Variants in ADARB2 observed in about 807,000 individuals in gnomAD.
ADARB2 encodes adenosine deaminase RNA specific B2 (inactive), also known as inactive double-stranded RNA-specific editase B2.
Under a neutral mutation model 62.2 loss-of-function variants are expected in ADARB2, and 25 were observed. That is an observed-to-expected ratio of 0.40 (90% CI 0.29 to 0.56). The LOEUF is 0.56. Ranked by LOEUF, ADARB2 falls within the 20% of genes least tolerant of loss-of-function variation. ADARB2 has a pLI of 0.43. For synonymous variants in ADARB2, 572 were observed against 500.8 expected (o/e 1.14, Z -1.90); for missense variants, 1,071 against 1,077.4 (o/e 0.99, Z 0.08).
chr10:1,669,557 C>G (rs546477881), intron 1 of ADARB2, among the ~76,000 whole-genome samples: 1 of 151,066 alleles, frequency 6.6e-6, no homozygotes, highest in African/African-American at 2.4e-5. Flanking sequence ...CTCAGAGAGA[C>G]ACACACAGAC....
intron 1 of ADARB2, among the ~76,000 whole-genome samples, chr10:1,723,408 C>T (rs544235371): frequency 6.6e-6 from 1 of 152,306 alleles, no homozygotes; most frequent in South Asian, 2.1e-4. Flanking sequence ...CCGGTGGGGC[C>T]GGAGGGACCA....
intron 1 of ADARB2, among the ~76,000 whole-genome samples, chr10:1,665,166 G>T (rs182591136): frequency 2.0e-4 from 31 of 152,334 alleles, no homozygotes; most frequent in African/African-American, 7.2e-4. Flanking sequence ...TTAGGTCACT[G>T]CTAACTTCCA....
At chr10:1,616,142 T>C (rs1158836317) in intron 1 of ADARB2, among the ~76,000 whole-genome samples, 1 of 152,230 alleles carries the variant, frequency 6.6e-6, no homozygotes. Context: ...TGACTAATTA[T>C]ACTTTTTCTC....
chr10:1,229,256 A>T (rs554754901), intron 6 of ADARB2, among the ~76,000 whole-genome samples: 1 of 152,296 alleles, frequency 6.6e-6, no homozygotes, highest in Admixed American at 6.5e-5. Flanking sequence ...GCATCCCAGG[A>T]AAGTGGGGCT....
intron 6 of ADARB2, among the ~76,000 whole-genome samples, chr10:1,233,127 C>T (rs536406440): frequency 8.9e-4 from 135 of 152,232 alleles, no homozygotes; most frequent in Admixed American, 1.5e-3. Context: ...CCCTGGCAAT[C>T]GCAGCATCAC....
chr10:1,269,041 T>C (rs1287453043), intron 4 of ADARB2, among the ~76,000 whole-genome samples: 1 of 152,234 alleles, frequency 6.6e-6, no homozygotes, highest in African/African-American at 2.4e-5. Flanking sequence ...TACTGACTTA[T>C]GCCTCTGGGG....
chr10:1,200,320 G>C (rs1836969038), intron 7 of ADARB2, 173 bp from the exon 8 acceptor site: 1 of 801,276 alleles, frequency 1.2e-6, no homozygotes, highest in Admixed American at 2.0e-5. Flanking sequence ...GGGGCTCTGG[G>C]GACACTGTTG....
At chr10:1,270,843 TTG>T in intron 4 of ADARB2, 110 bp downstream of exon 4, 1 of 908,622 alleles carries the variant, frequency 1.1e-6, no homozygotes, top group African/African-American at 1.7e-5. Flanking sequence ...TTGTCTTTCT[TTG>T]TCACAGCCTG....
chr10:1,271,857 C>T (rs1428696260), intron 3 of ADARB2, among the ~76,000 whole-genome samples: 1 of 152,224 alleles, frequency 6.6e-6, no homozygotes. Flanking sequence ...CTGGCATAGC[C>T]GTTGCAGGCC....
At chr10:1,647,717 T>G (rs1448694203) in intron 1 of ADARB2, among the ~76,000 whole-genome samples, 1 of 151,994 alleles carries the variant, frequency 6.6e-6, no homozygotes, top group Non-Finnish European at 1.5e-5. Flanking sequence ...TGTATATGCA[T>G]GTATGTGCAT....
intron 1 of ADARB2, among the ~76,000 whole-genome samples, chr10:1,716,213 G>C (rs999084436): frequency 4.6e-5 from 7 of 152,210 alleles, no homozygotes; most frequent in African/African-American, 1.7e-4. Flanking sequence ...CACCTGCTGA[G>C]CTCCAAAAAC....
chr10:1,435,993 T>C (rs1165193565), intron 1 of ADARB2, among the ~76,000 whole-genome samples: 1 of 152,224 alleles, frequency 6.6e-6, no homozygotes, highest in African/African-American at 2.4e-5. Context: ...AAACAAACGT[T>C]AGCTGAGTTG....
chr10:1,271,148 C>T, intron 3 of ADARB2, 79 bp from the exon 4 acceptor site: 1 of 1,150,740 alleles, frequency 8.7e-7, no homozygotes, highest in Non-Finnish European at 1.3e-6. Flanking sequence ...CCTCCCCGTC[C>T]TCACAGCCTC....
At chr10:1,601,211 A>G (rs1833408179) in intron 1 of ADARB2, among the ~76,000 whole-genome samples, 1 of 152,208 alleles carries the variant, frequency 6.6e-6, no homozygotes, top group Admixed American at 6.5e-5. Context: ...TCAGAGACTC[A>G]GTGGGAGCTT....
intron 1 of ADARB2, among the ~76,000 whole-genome samples, chr10:1,557,701 C>G (rs199915792): frequency 1.3e-5 from 2 of 152,218 alleles, no homozygotes; most frequent in East Asian, 1.9e-4. Flanking sequence ...GCCAGGTGTT[C>G]GAGACCAGCC....
chr10:1,364,000 C>CTCAG lies in ADARB2; in HGVS notation c.188-84_188-83insCTGA. The CTCAG allele has an allele frequency of 2.9e-6, 4 of 1,387,782 alleles. No homozygotes were observed. In the South Asian group the frequency reaches 6.5e-5, roughly 22 times the overall value. 86.0% of individuals were successfully genotyped at this position (1,387,782 alleles called of 1,614,324 possible). A position where few individuals can be genotyped will look rare whatever the true frequency, so the allele number is the denominator to read the frequency against. On this transcript the variant is annotated intron_variant, in intron 2 of 9. Coordinates refer to ENST00000381312, the MANE Select transcript of ADARB2 (RefSeq NM_018702.4). The stretch of plus-strand genomic sequence containing the variant: ...ACAGCAGGCACTCCCTGAGGGTCCC[C>CTCAG]GTCCCAGCGACCTCGCCGCCCGCGC...
Position 1,538,575 on chromosome 10 carries a change from G to A in ADARB2, c.101-159415C>T, listed in dbSNP as rs553969973. 5.9e-5 allele frequency among the ~76,000 whole-genome samples: 9 copies of A among 152,354 alleles called. 1 individual carries two copies. In the South Asian group the frequency reaches 1.7e-3, roughly 28 times the overall value. ...CACACCTGACCCAGACCTGCGGGAA[G>A]AGTGAGAGGCATGGAGGCCACAGGG... On this transcript the variant is annotated intron_variant, in intron 1 of 9. Coordinates refer to ENST00000381312, the MANE Select transcript of ADARB2 (RefSeq NM_018702.4).
chr10:1,293,159 GTA>G (rs1439174015), intron 3 of ADARB2, among the ~76,000 whole-genome samples: 6 of 73,158 alleles, frequency 8.2e-5, no homozygotes, highest in African/African-American at 2.4e-4. Context: ...GAGAGGGAGG[GTA>G]AGAAGGGGGG....
chr10:1,281,594 G>A (rs1831371739), intron 3 of ADARB2, among the ~76,000 whole-genome samples: 1 of 152,246 alleles, frequency 6.6e-6, no homozygotes, highest in South Asian at 2.1e-4. Context: ...TCAGCACGGT[G>A]CCAGCAGGGC....
Sources: gnomAD v4.1 joint callset for allele counts (sites outside exome capture counted in the v4.1 genomes callset) on GRCh38, gnomAD v4.1.1 for gene constraint, MANE v1.5 for transcripts, NCBI Gene and HGNC (gene_info 2026-07-23, HGNC 2026-07-21) for gene names.